The following CERS5 variants were observed in gnomAD, a reference collection of about 807,000 sequenced individuals.
The protein encoded by CERS5 is LAG1 homolog, ceramide synthase 5.
Under a neutral mutation model 58.9 loss-of-function variants are expected in CERS5, and 37 were observed. The ratio of observed to expected loss-of-function variants is 0.63; its 90% CI spans 0.48 to 0.83. CERS5 has a LOEUF of 0.83. CERS5 is among the 40% of genes least tolerant of loss of function. The pLI is 0.00. For missense variants in CERS5, 398 were observed against 489.3 expected (o/e 0.81, Z 1.76); for synonymous variants, 147 against 177.8 (o/e 0.83, Z 1.38).
In CERS5 at chr12:50,157,886, A is replaced by C. The variant is rs117434334; in HGVS notation, c.197+9215T>G. Among the ~76,000 whole-genome samples, 434 of 151,966 alleles carry C rather than the reference A, an allele frequency of 2.9e-3. 11 individuals carry two copies. In the East Asian group the frequency reaches 0.077, roughly 27 times the overall value. ...GGAGTTCAAGACCAGCCATGGCAAA[A>C]CCTCATCCCTACAAAAAATACAAAA... On this transcript the variant is annotated intron_variant, in intron 1 of 9. Coordinates refer to ENST00000317551, the MANE Select transcript of CERS5 (RefSeq NM_147190.5).
chr12:50,130,858 T>C (rs1383362583), intron 9 of CERS5, among the ~76,000 whole-genome samples, 164 bp from the exon 10 acceptor site: 1 of 152,202 alleles, frequency 6.6e-6, no homozygotes, highest in African/African-American at 2.4e-5. Flanking sequence ...GTGACTATGC[T>C]TTACCTGCTT....
chr12:50,158,746 C>T (rs10783338), intron 1 of CERS5, among the ~76,000 whole-genome samples: 100,634 of 152,050 alleles, frequency 0.66, 33,572 homozygotes, highest in East Asian at 0.84. Context: ...ACAATCTGAT[C>T]TAGTTTGAGA....
intron 9 of CERS5, chr12:50,134,148 T>G: frequency 4.6e-6 from 1 of 217,952 alleles, no homozygotes. Flanking sequence ...TGGGAAGCCG[T>G]GGTGGGAGGA....
chr12:50,135,250 G>T, intron 8 of CERS5, among the ~76,000 whole-genome samples: 3 of 93,834 alleles, frequency 3.2e-5, no homozygotes, highest in East Asian at 2.5e-4. Flanking sequence ...AGAGAGAGAG[G>T]AGGGAGGGAG....
At chr12:50,154,257 G>T in intron 1 of CERS5, 2 of 351,286 alleles carry the variant, frequency 5.7e-6, no homozygotes, top group Non-Finnish European at 1.1e-5. Flanking sequence ...GGAGGCTGAG[G>T]CAGGAGAATC....
chr12:50,167,315 G>T lies in CERS5; in HGVS notation c.-18C>A. ...GTCGCCATCTTACGCCCACCCCGAAGCCACCGCCGCCACAAGCGTCAGCTG... is the reference window on the plus strand; with the variant it reads ...GTCGCCATCTTACGCCCACCCCGAATCCACCGCCGCCACAAGCGTCAGCTG... On this transcript the variant is annotated 5_prime_UTR_variant, in exon 1 of 10. Coordinates refer to ENST00000317551, the MANE Select transcript of CERS5 (RefSeq NM_147190.5). 6.9e-7 allele frequency: 1 copy of T among 1,455,650 alleles called. No homozygotes were observed. 90.2% of individuals were successfully genotyped at this position (1,455,650 alleles called of 1,614,324 possible).
intron 1 of CERS5, among the ~76,000 whole-genome samples, chr12:50,148,235 C>T (rs921850895): frequency 3.3e-5 from 5 of 151,658 alleles, no homozygotes; most frequent in East Asian, 2.0e-4. Context: ...CCTGGGAGGT[C>T]GAGGCTGCAG....
At chr12:50,151,237 G>A (rs1316928776) in intron 1 of CERS5, among the ~76,000 whole-genome samples, 2 of 152,116 alleles carry the variant, frequency 1.3e-5, no homozygotes, top group Non-Finnish European at 2.9e-5. Flanking sequence ...TCTTGCCAAA[G>A]TTGTCAATGA....
chr12:50,136,337 G>A (rs895089590), intron 6 of CERS5, among the ~76,000 whole-genome samples: 1 of 152,160 alleles, frequency 6.6e-6, no homozygotes, highest in Non-Finnish European at 1.5e-5. Flanking sequence ...GCCGGGCTTG[G>A]TGGCATGTGC....
chr12:50,157,383 A>C (rs1203997203), intron 1 of CERS5, among the ~76,000 whole-genome samples: 1 of 151,748 alleles, frequency 6.6e-6, no homozygotes, highest in East Asian at 1.9e-4. Flanking sequence ...TAGAAAAAAA[A>C]ACAGTAATTA....
intron 6 of CERS5, among the ~76,000 whole-genome samples, chr12:50,136,318 C>T (rs1471630012): frequency 6.6e-6 from 1 of 151,926 alleles, no homozygotes; most frequent in Non-Finnish European, 1.5e-5. Flanking sequence ...ACTAAAAATA[C>T]AAAAATAAGC....
At chr12:50,144,933 AGACCAGC>A (rs1039906468) in intron 1 of CERS5, 56 of 463,308 alleles carry the variant, frequency 1.2e-4, no homozygotes, top group South Asian at 5.8e-4. Context: ...CAGGAGTTGG[AGACCAGC>A]CTGGTCAACA....
intron 1 of CERS5, among the ~76,000 whole-genome samples, chr12:50,150,883 T>C (rs1937887198): frequency 6.6e-6 from 1 of 152,142 alleles, no homozygotes; most frequent in Non-Finnish European, 1.5e-5. Flanking sequence ...CCTCAAGCAT[T>C]TAGGCTAAGA....
At chr12:50,148,683 G>T in intron 1 of CERS5, 1 of 207,940 alleles carries the variant, frequency 4.8e-6, no homozygotes, top group Non-Finnish European at 1.0e-5. Flanking sequence ...GATCACTTGA[G>T]GTCAGGAGTT....
chr12:50,148,560 G>A, intron 1 of CERS5: 3 of 351,094 alleles, frequency 8.5e-6, no homozygotes, highest in Non-Finnish European at 1.2e-5. Context: ...TCTCACCACT[G>A]CACTCCAGTC....
chr12:50,133,807 C>T, intron 9 of CERS5: 3 of 983,326 alleles, frequency 3.1e-6, no homozygotes, highest in Non-Finnish European at 2.4e-6. Context: ...GGTGCGGTGG[C>T]TCACGCCTGT....
chr12:50,144,936 C>T (rs553118445), intron 1 of CERS5: 1 of 443,266 alleles, frequency 2.3e-6, no homozygotes, highest in South Asian at 3.1e-5. Context: ...GAGTTGGAGA[C>T]CAGCCTGGTC....
intron 5 of CERS5, 43 bp downstream of exon 5, chr12:50,138,524 A>T (rs779503078): frequency 6.5e-7 from 1 of 1,541,216 alleles, no homozygotes; most frequent in East Asian, 2.2e-5. Flanking sequence ...ACTCCACCTT[A>T]TACACATTCA....
At chr12:50,161,977 C>T (rs1474492075) in intron 1 of CERS5, among the ~76,000 whole-genome samples, 2 of 143,860 alleles carry the variant, frequency 1.4e-5, no homozygotes, top group East Asian at 4.3e-4. Context: ...TAGGTTCAAG[C>T]GATTCTCCTG....
Sources: allele counts gnomAD v4.1 joint callset (sites outside exome capture counted in the v4.1 genomes callset), GRCh38; gene constraint gnomAD v4.1.1; transcripts MANE v1.5; gene names NCBI Gene and HGNC (gene_info 2026-07-23, HGNC 2026-07-21).